MAML3: variants seen among roughly 807,000 people sequenced by gnomAD.
MAML3 encodes mastermind like transcriptional coactivator 3.
A neutral mutation model predicts 101.9 loss-of-function variants in MAML3; 27 were observed. That is an observed-to-expected ratio of 0.27 (90% CI 0.20 to 0.37). MAML3 has a LOEUF of 0.37. Among genes scored for constraint, MAML3 ranks in the 10% least tolerant of loss-of-function variants. The probability of loss-of-function intolerance (pLI) is 1.00; values close to 1 mark genes in which losing one functional copy is unlikely to be tolerated. For missense variants in MAML3, 1,316 were observed against 1,444.9 expected (o/e 0.91, Z 1.45); for synonymous variants, 501 against 555.9 (o/e 0.90, Z 1.39).
chr4:139,835,260 TA>T (rs1223876338), intron 2 of MAML3, among the ~76,000 whole-genome samples: 1 of 152,284 alleles, frequency 6.6e-6, no homozygotes, highest in Admixed American at 6.5e-5. Flanking sequence ...TGCATGTTTA[TA>T]CTTCTGTCCC....
chr4:139,947,254 T>G (rs1733747971), intron 1 of MAML3, among the ~76,000 whole-genome samples: 1 of 152,192 alleles, frequency 6.6e-6, no homozygotes, highest in African/African-American at 2.4e-5. Flanking sequence ...TCTAAATCAC[T>G]ATTTAAATGG....
chr4:140,045,466 T>A (rs1466087454), intron 1 of MAML3, among the ~76,000 whole-genome samples: 5 of 152,052 alleles, frequency 3.3e-5, no homozygotes, highest in Admixed American at 2.6e-4. Flanking sequence ...TTGTTTTTTT[T>A]AATATTGCAA....
chr4:139,922,446 GTGGGTCCC>G (rs56376083), intron 1 of MAML3, among the ~76,000 whole-genome samples: 49,703 of 151,832 alleles, frequency 0.33, 9,220 homozygotes, highest in East Asian at 0.63. Flanking sequence ...AGAGAGAACG[GTGGGTCCC>G]TAACCTCAAG....
At chr4:139,928,167 G>A (rs913426831) in intron 1 of MAML3, among the ~76,000 whole-genome samples, 2 of 152,114 alleles carry the variant, frequency 1.3e-5, no homozygotes, top group Non-Finnish European at 2.9e-5. Flanking sequence ...TCTCCTTTCT[G>A]TATCCATAAC....
rs144468899 is a variant in MAML3, at chr4:140,081,043, A to C, written c.468+71817T>G. ...ACCCCCATGCCTTACTATGAAGGAA[A>C]ATGTTACAATGCATAGACCACATTG... On this transcript the variant is annotated intron_variant, in intron 1 of 4. Coordinates refer to ENST00000509479, the MANE Select transcript of MAML3 (RefSeq NM_018717.5). 1.4e-4 allele frequency among the ~76,000 whole-genome samples: 22 copies of C among 152,318 alleles called. No individual in the cohort carries two copies. In the East Asian group the frequency reaches 3.9e-3, roughly 27 times the overall value.
intron 1 of MAML3, among the ~76,000 whole-genome samples, chr4:140,012,292 T>G (rs1726575635): frequency 6.6e-6 from 1 of 152,218 alleles, no homozygotes; most frequent in South Asian, 2.1e-4. Context: ...CTGTTATATT[T>G]TATGTGTCAG....
chr4:140,004,299 G>A (rs1214078419), intron 1 of MAML3, among the ~76,000 whole-genome samples: 2 of 152,184 alleles, frequency 1.3e-5, no homozygotes, highest in East Asian at 3.9e-4. Context: ...TATTATGAAT[G>A]TGCTAGGGAA....
At chr4:140,119,459 A>C (rs1444176782) in intron 1 of MAML3, among the ~76,000 whole-genome samples, 1 of 152,106 alleles carries the variant, frequency 6.6e-6, no homozygotes, top group East Asian at 1.9e-4. Flanking sequence ...GCAGATATGC[A>C]CTGCTGGTTT....
intron 1 of MAML3, among the ~76,000 whole-genome samples, chr4:140,060,731 T>C (rs1000714927): frequency 7.9e-5 from 12 of 152,246 alleles, no homozygotes; most frequent in African/African-American, 2.9e-4. Flanking sequence ...AATGATATTC[T>C]GATGCCCTCA....
chr4:139,721,078 C>T (rs918627885), intron 4 of MAML3, among the ~76,000 whole-genome samples: 2 of 152,218 alleles, frequency 1.3e-5, no homozygotes, highest in Non-Finnish European at 1.5e-5. Context: ...CATCCTGCTA[C>T]GTGCGACTTG....
intron 2 of MAML3, among the ~76,000 whole-genome samples, chr4:139,754,013 C>T (rs769600661): frequency 7.9e-5 from 12 of 152,176 alleles, no homozygotes; most frequent in Non-Finnish European, 1.6e-4. Flanking sequence ...AGAATTAATA[C>T]TACCTACTAT....
At chr4:140,102,779 C>G (rs1016277883) in intron 1 of MAML3, among the ~76,000 whole-genome samples, 4 of 152,194 alleles carry the variant, frequency 2.6e-5, no homozygotes, top group Admixed American at 1.3e-4. Context: ...CCCCTGATTA[C>G]TATCCGTGGT....
intron 1 of MAML3, among the ~76,000 whole-genome samples, chr4:139,931,160 C>T (rs568807092): frequency 3.9e-5 from 6 of 152,172 alleles, no homozygotes; most frequent in Admixed American, 3.9e-4. Context: ...GCCCCTTGAT[C>T]AAAAATTATA....
chr4:140,149,689 ATTGT>A, intron 1 of MAML3, among the ~76,000 whole-genome samples: 1 of 152,228 alleles, frequency 6.6e-6, no homozygotes, highest in African/African-American at 2.4e-5. Context: ...GTGGGTGATC[ATTGT>A]TTTTCTTTAG....
In MAML3 at chr4:139,720,156, T is replaced by C. The variant is rs754441581; in HGVS notation, c.2584A>G (p.Ser862Gly). The change falls in exon 5 of 5, where the codon AGC (serine) becomes GGC (glycine). Residue 862 changes from serine (S) to glycine (G), a missense_variant. Ser to Gly is a moderately conservative substitution (Grantham distance 56). Coordinates refer to ENST00000509479, the MANE Select transcript of MAML3 (RefSeq NM_018717.5). ...AQSEMGLAPY[S>G]TTPTSQPGMY... ...CCTGGTTGGCTGGTAGGCGTGGTGC[T>C]ATAAGGGGCCAGTCCCATCTCCGAC... The C allele has an allele frequency of 6.2e-7, 1 of 1,614,066 alleles. No individual in the cohort carries two copies. Among genetic ancestry groups the C allele is most frequent in the Non-Finnish European group, 8.5e-7 (1 of 1,179,902 alleles).
rs542725037 is a variant in MAML3 at position 139,781,522 on chromosome 4, T to C, written c.2080-50855A>G. Among the ~76,000 whole-genome samples, 81 of 151,050 alleles carry C rather than the reference T, an allele frequency of 5.4e-4. 1 individual carries two copies. The highest frequency in any genetic ancestry group is 1.9e-3 in the African/African-American group (77 of 41,226). On this transcript the variant is annotated intron_variant, in intron 2 of 4. Transcript: ENST00000509479. ...CAGAGCATTTTCATATATATATATA[T>C]ATATATATAGTCTGTACAGCACACC...
intron 2 of MAML3, among the ~76,000 whole-genome samples, chr4:139,854,906 A>G (rs1297345880): frequency 6.8e-6 from 1 of 146,638 alleles, no homozygotes; most frequent in Admixed American, 6.8e-5. Context: ...TGAGCCTTAG[A>G]CTCCTCAGGT....
At chr4:139,823,194 G>A (rs555991021) in intron 2 of MAML3, among the ~76,000 whole-genome samples, 62 of 152,260 alleles carry the variant, frequency 4.1e-4, no homozygotes, top group Non-Finnish European at 2.9e-5. Flanking sequence ...AAGATTCTAT[G>A]AATACGACCA....
intron 2 of MAML3, among the ~76,000 whole-genome samples, chr4:139,739,238 T>C (rs1584783): frequency 0.49 from 73,839 of 152,108 alleles, 19,125 homozygotes; most frequent in South Asian, 0.64. Context: ...CTCTGCTGAA[T>C]GTTAAAGAAA....
Sources: gnomAD v4.1 joint callset for allele counts (sites outside exome capture counted in the v4.1 genomes callset) on GRCh38, gnomAD v4.1.1 for gene constraint, MANE v1.5 for transcripts, NCBI Gene and HGNC (gene_info 2026-07-23, HGNC 2026-07-21) for gene names.